FHOD3: variants seen among roughly 807,000 people sequenced by gnomAD.
The protein encoded by FHOD3 is FH1/FH2 domain-containing protein 3.
Under a neutral mutation model 173.0 loss-of-function variants are expected in FHOD3, and 90 were observed. That is an observed-to-expected ratio of 0.52 (90% CI 0.44 to 0.62). The LOEUF (loss-of-function observed/expected upper bound fraction) is 0.62. FHOD3 is among the 20% of genes least tolerant of loss of function. The probability of loss-of-function intolerance (pLI) is 0.00; values close to 1 mark genes in which losing one functional copy is unlikely to be tolerated. For missense variants in FHOD3, 1,945 were observed against 2,034.7 expected, an observed-to-expected ratio of 0.96 and a Z score of 0.85; for synonymous variants, 828 against 823.0, an observed-to-expected ratio of 1.01 and a Z score of -0.10.
rs559957365 is a variant in FHOD3 at position 36,595,067 on chromosome 18, C to A, written c.718+169C>A. Among the ~76,000 whole-genome samples, 4 of 152,144 alleles carry A rather than the reference C, an allele frequency of 2.6e-5. No individual in the cohort carries two copies. In the East Asian group the frequency reaches 7.7e-4, roughly 29 times the overall value. The stretch of plus-strand genomic sequence containing the variant: ...GATAGTAAGCACACAAAGCTTAGGG[C>A]CGGAATGGGGTTTGATAATGAAAGA... On this transcript the variant is annotated intron_variant, in intron 7 of 28. Transcript: ENST00000590592.
chr18:36,404,478 C>G (rs908686473), intron 3 of FHOD3, among the ~76,000 whole-genome samples: 1 of 152,192 alleles, frequency 6.6e-6, no homozygotes, highest in Admixed American at 6.5e-5. Flanking sequence ...CAAGTTGTTG[C>G]TATTGTAGAA....
chr18:36,377,412 C>T lies in FHOD3; in HGVS notation c.337+4668C>T, dbSNP rs111733806. On this transcript the variant is annotated intron_variant, in intron 3 of 28. Coordinates refer to ENST00000590592, the MANE Select transcript of FHOD3 (RefSeq NM_001281740.3). ...TTCCTTTTCTGACATTTCACTTGCC[C>T]CTAGGGTGGCCTTTGGAAAATTAGC... 1.3e-3 allele frequency among the ~76,000 whole-genome samples: 199 copies of T among 152,268 alleles called. 2 individuals are homozygous for T. Among genetic ancestry groups the T allele is most frequent in the African/African-American group, 4.5e-3 (186 of 41,560 alleles).
At chr18:36,518,993 G>T (rs369280578) in intron 5 of FHOD3, among the ~76,000 whole-genome samples, 1 of 152,190 alleles carries the variant, frequency 6.6e-6, no homozygotes, top group Non-Finnish European at 1.5e-5. Context: ...CTCCCTGGGA[G>T]GGGAAGGGAG....
In FHOD3 at chr18:36,701,375, C is replaced by G. The variant is rs142770996; in HGVS notation, c.2237-7720C>G. The stretch of plus-strand genomic sequence containing the variant: ...ATCTGACTCTAATAGAATAGTCACC[C>G]TATATGTTATCAATATGAGAATAAT... On this transcript the variant is annotated intron_variant, in intron 17 of 28. Transcript: ENST00000590592. Among the ~76,000 whole-genome samples the G allele has an allele frequency of 4.1e-3, 627 of 152,234 alleles. 7 individuals are homozygous for G. Among genetic ancestry groups the G allele is most frequent in the African/African-American group, 0.014 (594 of 41,550 alleles).
chr18:36,416,178 G>A (rs1913370), intron 3 of FHOD3, among the ~76,000 whole-genome samples: 22,152 of 152,036 alleles, frequency 0.15, 1,895 homozygotes, highest in South Asian at 0.34. Flanking sequence ...GACTATAGGC[G>A]TGCACCATCA....
intron 14 of FHOD3, among the ~76,000 whole-genome samples, chr18:36,670,801 T>C (rs1324130674): frequency 6.6e-6 from 1 of 152,234 alleles, no homozygotes; most frequent in Non-Finnish European, 1.5e-5. Flanking sequence ...TTCTTATAAA[T>C]ATTTTTGAGC....
At chr18:36,704,477 G>C (rs888485391) in intron 17 of FHOD3, among the ~76,000 whole-genome samples, 6 of 152,210 alleles carry the variant, frequency 3.9e-5, no homozygotes, top group African/African-American at 1.2e-4. Context: ...GCACAGCCCA[G>C]GAGATGCAAT....
chr18:36,366,436 T>G (rs1411420862), intron 2 of FHOD3, among the ~76,000 whole-genome samples: 1 of 152,216 alleles, frequency 6.6e-6, no homozygotes, highest in Admixed American at 6.5e-5. Flanking sequence ...ATGCCAGCCA[T>G]GTCCACAGCA....
At chr18:36,441,419 A>G (rs2051141691) in intron 3 of FHOD3, among the ~76,000 whole-genome samples, 1 of 152,176 alleles carries the variant, frequency 6.6e-6, no homozygotes, top group Non-Finnish European at 1.5e-5. Context: ...GTACGGGAAC[A>G]TAGAGGATGA....
intron 3 of FHOD3, 41 bp from the exon 4 acceptor site, chr18:36,501,891 A>C (rs373079287): frequency 1.1e-4 from 151 of 1,347,514 alleles, no homozygotes; most frequent in Non-Finnish European, 2.0e-5. Context: ...CTGTCAATAG[A>C]GTCAGTTTAA....
At chr18:36,510,289 T>A (rs1396364525) in intron 4 of FHOD3, among the ~76,000 whole-genome samples, 1 of 152,256 alleles carries the variant, frequency 6.6e-6, no homozygotes, top group Non-Finnish European at 1.5e-5. Context: ...AACCAATGTT[T>A]TAAAAATCAT....
intron 14 of FHOD3, among the ~76,000 whole-genome samples, chr18:36,668,111 T>C (rs1200358397): frequency 6.6e-5 from 10 of 151,944 alleles, no homozygotes; most frequent in Admixed American, 2.6e-4. Context: ...CTTAAATATT[T>C]CATAGAATTC....
chr18:36,671,089 A>G (rs1178695742), intron 14 of FHOD3, among the ~76,000 whole-genome samples: 1 of 152,242 alleles, frequency 6.6e-6, no homozygotes, highest in Non-Finnish European at 1.5e-5. Flanking sequence ...TACTTTTTAC[A>G]TGCATATGCT....
intron 7 of FHOD3, among the ~76,000 whole-genome samples, chr18:36,595,594 G>C (rs527305701): frequency 1.3e-5 from 2 of 152,126 alleles, no homozygotes; most frequent in South Asian, 4.1e-4. Context: ...GTCTCTCCAA[G>C]TCGGGGTTGC....
At chr18:36,425,877 G>A (rs1013414902) in intron 3 of FHOD3, among the ~76,000 whole-genome samples, 1 of 151,820 alleles carries the variant, frequency 6.6e-6, no homozygotes, top group Non-Finnish European at 1.5e-5. Flanking sequence ...ACTCTGGGAA[G>A]CACTTCACAC....
At chr18:36,464,950 C>T (rs2052819942) in intron 3 of FHOD3, among the ~76,000 whole-genome samples, 1 of 152,124 alleles carries the variant, frequency 6.6e-6, no homozygotes, top group Non-Finnish European at 1.5e-5. Flanking sequence ...CACACACACG[C>T]AGGCAAACTG....
chr18:36,385,566 T>A (rs1368924809), intron 3 of FHOD3, among the ~76,000 whole-genome samples: 2 of 152,080 alleles, frequency 1.3e-5, no homozygotes, highest in African/African-American at 4.8e-5. Context: ...CTGGCTAATT[T>A]TCATATTTTT....
intron 3 of FHOD3, among the ~76,000 whole-genome samples, chr18:36,417,507 G>A (rs1484325983): frequency 6.6e-6 from 1 of 152,110 alleles, no homozygotes; most frequent in East Asian, 1.9e-4. Flanking sequence ...CTTTGCTATT[G>A]TGAATAGTGC....
At chr18:36,460,012 T>C (rs1034734439) in intron 3 of FHOD3, among the ~76,000 whole-genome samples, 2 of 152,212 alleles carry the variant, frequency 1.3e-5, no homozygotes, top group Non-Finnish European at 2.9e-5. Context: ...GGTCAGATAT[T>C]GAGTAAAGTG....
Sources: gnomAD v4.1 joint callset for allele counts (sites outside exome capture counted in the v4.1 genomes callset) on GRCh38, gnomAD v4.1.1 for gene constraint, MANE v1.5 for transcripts, NCBI Gene and HGNC (gene_info 2026-07-23, HGNC 2026-07-21) for gene names.